Variants in RIMS2 observed in about 807,000 individuals in gnomAD.
RIMS2 encodes the protein regulating synaptic membrane exocytosis 2.
RIMS2 carries 59 observed loss-of-function variants against 174.4 expected under a neutral mutation model. The ratio of observed to expected loss-of-function variants is 0.34; its 90% CI spans 0.27 to 0.42. RIMS2 has a LOEUF of 0.42. Ranked by LOEUF, RIMS2 falls within the 10% of genes least tolerant of loss-of-function variation. The probability of loss-of-function intolerance (pLI) is 1.00; values close to 1 mark genes in which losing one functional copy is unlikely to be tolerated. For synonymous variants in RIMS2, 606 were observed against 572.5 expected (o/e 1.06, Z -0.84); for missense variants, 1,620 against 1,666.3 (o/e 0.97, Z 0.48).
At chr8:104,155,834 G>T (rs986083539) in intron 19 of RIMS2, among the ~76,000 whole-genome samples, 1 of 152,136 alleles carries the variant, frequency 6.6e-6, no homozygotes, top group African/African-American at 2.4e-5. Flanking sequence ...TCCTAGTTAA[G>T]CTCTTCATCA....
intron 15 of RIMS2, among the ~76,000 whole-genome samples, chr8:103,974,965 A>G (rs1012241197): frequency 6.6e-6 from 1 of 152,254 alleles, no homozygotes; most frequent in Admixed American, 6.5e-5. Flanking sequence ...TTATGAGCTT[A>G]ATAATTTTAA....
chr8:103,752,360 A>G (rs1446822134), intron 2 of RIMS2, among the ~76,000 whole-genome samples: 3 of 152,080 alleles, frequency 2.0e-5, no homozygotes, highest in Non-Finnish European at 2.9e-5. Flanking sequence ...GTAGCCTTCT[A>G]GTATAGTTAG....
At chr8:103,913,401 T>C (rs985500906) in intron 6 of RIMS2, among the ~76,000 whole-genome samples, 3 of 151,988 alleles carry the variant, frequency 2.0e-5, no homozygotes, top group Non-Finnish European at 2.9e-5. Context: ...ACCACTGAAT[T>C]CCAGCCTGGG....
At chr8:103,818,418 T>A (rs1359707560) in intron 3 of RIMS2, among the ~76,000 whole-genome samples, 1 of 152,178 alleles carries the variant, frequency 6.6e-6, no homozygotes, top group Non-Finnish European at 1.5e-5. Context: ...GGGTATAGAA[T>A]AACCTAAATG....
At chr8:103,777,742 A>G (rs3110462) in intron 3 of RIMS2, among the ~76,000 whole-genome samples, 53,868 of 151,760 alleles carry the variant, frequency 0.35, 10,283 homozygotes, top group East Asian at 0.77. Flanking sequence ...AATGGTATGC[A>G]TATAAAAGTA....
intron 14 of RIMS2, among the ~76,000 whole-genome samples, chr8:103,945,986 T>C (rs946937807): frequency 2.6e-5 from 4 of 152,050 alleles, no homozygotes; most frequent in African/African-American, 9.7e-5. Flanking sequence ...GTTAGGACAG[T>C]CAGGCAAGAA....
At chr8:104,246,972 T>C (rs2099336329) in intron 20 of RIMS2, among the ~76,000 whole-genome samples, 1 of 142,796 alleles carries the variant, frequency 7.0e-6, no homozygotes, top group African/African-American at 2.7e-5. Flanking sequence ...CTGACTTCCG[T>C]TTTTGGCATA....
chr8:103,558,711 C>A (rs1057086423), intron 1 of RIMS2, among the ~76,000 whole-genome samples: 1 of 151,982 alleles, frequency 6.6e-6, no homozygotes, highest in African/African-American at 2.4e-5. Context: ...CATGGTCACA[C>A]CACAAGTAAA....
rs116451210 is a variant in RIMS2, at chr8:103,540,447, C to T, written c.176+39385C>T. ...CTGCACAGAGACAACATAGCGGCAC[C>T]CTCACTGGTGCCAGAACATCTGTAC... On this transcript the variant is annotated intron_variant, in intron 1 of 23. Coordinates refer to ENST00000504942, the Ensembl canonical transcript of RIMS2. Among the ~76,000 whole-genome samples the T allele has an allele frequency of 6.1e-3, 936 of 152,226 alleles. 11 individuals carry two copies. Among genetic ancestry groups the T allele is most frequent in the African/African-American group, 0.021 (886 of 41,536 alleles).
intron 19 of RIMS2, among the ~76,000 whole-genome samples, chr8:104,213,791 C>T (rs192171878): frequency 0.014 from 1,694 of 122,598 alleles, 10 homozygotes; most frequent in Non-Finnish European, 0.022. Flanking sequence ...GCAGGGGAAT[C>T]GCTTGAACCC....
intron 17 of RIMS2, among the ~76,000 whole-genome samples, chr8:103,996,382 G>A (rs991168727): frequency 2.0e-5 from 3 of 151,948 alleles, no homozygotes; most frequent in African/African-American, 7.2e-5. Context: ...ATGAACATAT[G>A]TTTTCCTGAA....
chr8:103,697,246 A>G (rs2097114282), exon 2 of RIMS2: 1 of 1,613,744 alleles, frequency 6.2e-7, no homozygotes, highest in African/African-American at 1.3e-5. Flanking sequence ...ATATTGCCAA[A>G]CAAAGTTCTG....
chr8:103,902,379 C>T (rs1399207482), intron 4 of RIMS2, among the ~76,000 whole-genome samples: 1 of 152,254 alleles, frequency 6.6e-6, no homozygotes, highest in East Asian at 1.9e-4. Context: ...ATCCCCCTAC[C>T]TTGTTTATGA....
intron 19 of RIMS2, 25 bp downstream of exon 21, chr8:104,014,640 G>A (rs763241946): frequency 7.4e-5 from 105 of 1,417,892 alleles, no homozygotes; most frequent in Middle Eastern, 7.0e-4. Context: ...TAATTGTCTC[G>A]TTTAGGAAAT....
chr8:103,779,394 T>C (rs1310143135), intron 3 of RIMS2, among the ~76,000 whole-genome samples: 1 of 152,104 alleles, frequency 6.6e-6, no homozygotes, highest in Non-Finnish European at 1.5e-5. Context: ...CAATATAAGT[T>C]TTTAATCCAT....
intron 19 of RIMS2, among the ~76,000 whole-genome samples, chr8:104,037,993 C>T (rs2096548377): frequency 6.6e-6 from 1 of 152,014 alleles, no homozygotes; most frequent in African/African-American, 2.4e-5. Flanking sequence ...ACATGCTGTA[C>T]AGGTTTGTAG....
At chr8:103,629,933 T>C (rs2095871468) in intron 1 of RIMS2, among the ~76,000 whole-genome samples, 1 of 149,850 alleles carries the variant, frequency 6.7e-6, no homozygotes, top group Non-Finnish European at 1.5e-5. Context: ...AGAGGGGGAG[T>C]AAAATACCTA....
chr8:103,623,263 G>A (rs1170177319), intron 1 of RIMS2, among the ~76,000 whole-genome samples: 2 of 152,084 alleles, frequency 1.3e-5, no homozygotes, highest in Non-Finnish European at 2.9e-5. Context: ...TAAAAATGGG[G>A]AGTACAATAG....
intron 19 of RIMS2, among the ~76,000 whole-genome samples, chr8:104,087,693 C>A (rs1338500483): frequency 6.6e-6 from 1 of 152,060 alleles, no homozygotes; most frequent in Non-Finnish European, 1.5e-5. Flanking sequence ...ATATTATTTA[C>A]AACAGTATGT....
Sources: gnomAD v4.1 joint callset for allele counts (sites outside exome capture counted in the v4.1 genomes callset) on GRCh38, gnomAD v4.1.1 for gene constraint, MANE v1.5 for transcripts, NCBI Gene and HGNC (gene_info 2026-07-23, HGNC 2026-07-21) for gene names.